COL21A1: variants seen among roughly 807,000 people sequenced by gnomAD.
The protein encoded by COL21A1 is collagen type XXI alpha 1 chain.
COL21A1 carries 149 observed loss-of-function variants against 137.9 expected under a neutral mutation model. The ratio of observed to expected loss-of-function variants is 1.08; its 90% CI spans 0.95 to 1.24. COL21A1 has a LOEUF of 1.24. Among genes scored for constraint, COL21A1 ranks in the 50% most tolerant of loss-of-function variants. The probability of loss-of-function intolerance (pLI) is 0.00; values close to 1 mark genes in which losing one functional copy is unlikely to be tolerated. For missense variants in COL21A1, 1,167 were observed against 1,158.4 expected (o/e 1.01, Z -0.11); for synonymous variants, 456 against 391.5 (o/e 1.16, Z -1.95).
At chr6:56,391,651 G>A (rs1000731887) in intron 1 of COL21A1, among the ~76,000 whole-genome samples, 2 of 152,100 alleles carry the variant, frequency 1.3e-5, no homozygotes, top group Admixed American at 1.3e-4. Flanking sequence ...AGACCATTAT[G>A]AGCAACCACA....
chr6:56,255,927 C>A (rs1582735744), intron 1 of COL21A1, among the ~76,000 whole-genome samples: 1 of 152,264 alleles, frequency 6.6e-6, no homozygotes, highest in East Asian at 1.9e-4. Flanking sequence ...TGAACCACAA[C>A]AATTCTAGGA....
At chr6:56,223,176 G>A (rs1780959900) in intron 1 of COL21A1, among the ~76,000 whole-genome samples, 1 of 152,022 alleles carries the variant, frequency 6.6e-6, no homozygotes, top group African/African-American at 2.4e-5. Context: ...CTTTTCATCT[G>A]AAGTCAAGCT....
At chr6:56,101,883 A>G (rs1770494727) in intron 16 of COL21A1, among the ~76,000 whole-genome samples, 1 of 152,140 alleles carries the variant, frequency 6.6e-6, no homozygotes, top group Non-Finnish European at 1.5e-5. Flanking sequence ...TTTAAAATTG[A>G]TCACTATGTT....
chr6:56,333,402 A>G (rs1765274049), intron 1 of COL21A1, among the ~76,000 whole-genome samples: 1 of 148,856 alleles, frequency 6.7e-6, no homozygotes, highest in Non-Finnish European at 1.5e-5. Context: ...ATGTACCCTT[A>G]TCTGGATTCC....
At chr6:56,164,071 G>T (rs1776385763) in intron 9 of COL21A1, among the ~76,000 whole-genome samples, 1 of 152,064 alleles carries the variant, frequency 6.6e-6, no homozygotes, top group African/African-American at 2.4e-5. Flanking sequence ...AGACATTTAA[G>T]AATTCAGACC....
chr6:56,281,535 T>A (rs1763786382), intron 1 of COL21A1, among the ~76,000 whole-genome samples: 1 of 152,212 alleles, frequency 6.6e-6, no homozygotes, highest in African/African-American at 2.4e-5. Flanking sequence ...CAGAATTTTA[T>A]AATTTTACTT....
intron 1 of COL21A1, among the ~76,000 whole-genome samples, chr6:56,263,198 T>C (rs1038174640): frequency 5.3e-5 from 8 of 152,186 alleles, no homozygotes; most frequent in African/African-American, 1.9e-4. Flanking sequence ...GTTGAATGAA[T>C]GAATTAATAA....
chr6:56,178,068 G>A (rs1777629740), intron 3 of COL21A1, among the ~76,000 whole-genome samples: 1 of 152,016 alleles, frequency 6.6e-6, no homozygotes, highest in South Asian at 2.1e-4. Context: ...CATTAAAATA[G>A]AATGCATTTA....
At chr6:56,124,937 G>A (rs751825192) in intron 14 of COL21A1, among the ~76,000 whole-genome samples, 42 of 150,480 alleles carry the variant, frequency 2.8e-4, no homozygotes, top group African/African-American at 9.3e-4. Flanking sequence ...GAGCCACCGC[G>A]CCCGGCCTTC....
intron 20 of COL21A1, among the ~76,000 whole-genome samples, chr6:56,072,650 C>A (rs1766859164): frequency 6.6e-6 from 1 of 151,366 alleles, no homozygotes; most frequent in Non-Finnish European, 1.5e-5. Context: ...CACCCCATAC[C>A]CATTTGATTA....
intron 24 of COL21A1, among the ~76,000 whole-genome samples, chr6:56,063,900 T>C (rs1045668877): frequency 6.6e-6 from 1 of 152,206 alleles, no homozygotes; most frequent in East Asian, 1.9e-4. Context: ...GTTGGAACCA[T>C]GTCCAGCATT....
chr6:56,275,561 CAGA>C (rs1562035589), intron 1 of COL21A1, among the ~76,000 whole-genome samples: 2 of 151,948 alleles, frequency 1.3e-5, no homozygotes, highest in Non-Finnish European at 2.9e-5. Context: ...AAGACATGAA[CAGA>C]TACTTCTCCA....
intron 12 of COL21A1, among the ~76,000 whole-genome samples, chr6:56,140,031 C>T (rs955024199): frequency 5.9e-5 from 9 of 152,148 alleles, no homozygotes; most frequent in African/African-American, 2.2e-4. Flanking sequence ...ATACTTCCTA[C>T]ATCTGTAAAA....
chr6:56,098,073 A>T lies in COL21A1; in HGVS notation c.1812+3399T>A, dbSNP rs1260324678. Among the ~76,000 whole-genome samples, 9 of 45,700 alleles carry T rather than the reference A, an allele frequency of 2.0e-4. No homozygotes were observed. In the Admixed American group the frequency reaches 3.6e-3, roughly 18 times the overall value. 30.0% of individuals were successfully genotyped at this position (45,700 alleles called of 152,430 possible). ...TATAAATATATATAAATATATAAAT[A>T]TATATAAATATAAATATATATAAAT... On this transcript the variant is annotated intron_variant, in intron 17 of 29. Transcript: ENST00000244728.
intron 1 of COL21A1, among the ~76,000 whole-genome samples, chr6:56,314,565 T>G (rs1764688182): frequency 6.6e-6 from 1 of 152,138 alleles, no homozygotes; most frequent in African/African-American, 2.4e-5. Context: ...ATCTTGGAGC[T>G]TTTTTCCTCA....
chr6:56,212,302 G>A (rs1018407514), intron 1 of COL21A1, among the ~76,000 whole-genome samples: 3 of 151,788 alleles, frequency 2.0e-5, no homozygotes, highest in African/African-American at 7.3e-5. Flanking sequence ...GATCACCATT[G>A]ATACATATTA....
intron 1 of COL21A1, among the ~76,000 whole-genome samples, chr6:56,240,159 C>CTT (rs70986787): frequency 0.28 from 40,644 of 145,114 alleles, 5,990 homozygotes; most frequent in African/African-American, 0.39. Flanking sequence ...GTCCATTAAA[C>CTT]TTTTTTTTTT....
intron 17 of COL21A1, among the ~76,000 whole-genome samples, chr6:56,094,731 G>C (rs1232480717): frequency 6.6e-6 from 1 of 152,188 alleles, no homozygotes; most frequent in African/African-American, 2.4e-5. Flanking sequence ...TTATGCAAGA[G>C]TGGGGACTGG....
At chr6:56,115,077 C>T (rs1327068395) in intron 16 of COL21A1, among the ~76,000 whole-genome samples, 2 of 149,640 alleles carry the variant, frequency 1.3e-5, no homozygotes, top group Non-Finnish European at 2.9e-5. Flanking sequence ...CGCATATTCT[C>T]ACTCATAGGT....
Sources: allele counts gnomAD v4.1 joint callset (sites outside exome capture counted in the v4.1 genomes callset), GRCh38; gene constraint gnomAD v4.1.1; transcripts MANE v1.5; gene names NCBI Gene and HGNC (gene_info 2026-07-23, HGNC 2026-07-21).